B3GLCT: variants seen among roughly 807,000 people sequenced by gnomAD.
B3GLCT encodes beta 3-glucosyltransferase.
In B3GLCT, 65 loss-of-function variants were observed where a neutral mutation model predicts 63.4. That is an observed-to-expected ratio of 1.03 (90% confidence interval 0.84 to 1.26). The LOEUF is 1.26. Ranked by LOEUF, B3GLCT falls within the 50% of genes most tolerant of loss-of-function variation. The pLI is 0.00. For synonymous variants in B3GLCT, 233 were observed against 219.2 expected (o/e 1.06, Z -0.55); for missense variants, 577 against 604.8 (o/e 0.95, Z 0.48).
At chr13:31,218,768 G>T (rs1057326384) in intron 2 of B3GLCT, among the ~76,000 whole-genome samples, 7 of 152,114 alleles carry the variant, frequency 4.6e-5, no homozygotes, top group Admixed American at 4.6e-4. Context: ...TCCTTGTCTT[G>T]TTCCTGTTTT....
intron 14 of B3GLCT, among the ~76,000 whole-genome samples, chr13:31,325,082 A>AT (rs1875539813): frequency 6.6e-6 from 1 of 152,232 alleles, no homozygotes; most frequent in South Asian, 2.1e-4. Context: ...CAGAAATAGT[A>AT]TACTATAGAA....
At chr13:31,204,309 G>C (rs1868829671) in intron 1 of B3GLCT, among the ~76,000 whole-genome samples, 1 of 152,168 alleles carries the variant, frequency 6.6e-6, no homozygotes, top group Non-Finnish European at 1.5e-5. Context: ...CTAGAGTCAG[G>C]GGTGCTGCTG....
intron 4 of B3GLCT, among the ~76,000 whole-genome samples, chr13:31,245,486 G>GTC (rs1370496831): frequency 6.6e-6 from 1 of 151,884 alleles, no homozygotes; most frequent in African/African-American, 2.4e-5. Flanking sequence ...GGTTCTTCTA[G>GTC]TCTCTGTTCA....
intron 4 of B3GLCT, among the ~76,000 whole-genome samples, chr13:31,232,542 C>T (rs934163874): frequency 3.9e-5 from 6 of 152,306 alleles, no homozygotes; most frequent in African/African-American, 1.2e-4. Flanking sequence ...ATGATCCAGT[C>T]ACCTCCCTCC....
At chr13:31,249,912 A>G (rs1471686815) in intron 6 of B3GLCT, among the ~76,000 whole-genome samples, 1 of 152,204 alleles carries the variant, frequency 6.6e-6, no homozygotes, top group East Asian at 1.9e-4. Context: ...TAAAATAATT[A>G]TGTAATGTGT....
At chr13:31,208,838 C>T (rs2137734637) in intron 1 of B3GLCT, among the ~76,000 whole-genome samples, 1 of 152,158 alleles carries the variant, frequency 6.6e-6, no homozygotes, top group South Asian at 2.1e-4. Context: ...CCTGACTCCC[C>T]AATACCACCC....
chr13:31,308,973 C>A (rs1239579704), intron 12 of B3GLCT, among the ~76,000 whole-genome samples: 3 of 152,166 alleles, frequency 2.0e-5, no homozygotes, highest in African/African-American at 7.2e-5. Flanking sequence ...TAACAATAAT[C>A]AAGGGATTGA....
chr13:31,314,285 A>G (rs1874877954), intron 12 of B3GLCT, among the ~76,000 whole-genome samples: 1 of 152,130 alleles, frequency 6.6e-6, no homozygotes, highest in African/African-American at 2.4e-5. Flanking sequence ...AGATCTACTG[A>G]CAGCTTGCAC....
intron 1 of B3GLCT, among the ~76,000 whole-genome samples, chr13:31,204,906 T>A (rs1868868565): frequency 6.6e-6 from 1 of 152,232 alleles, no homozygotes; most frequent in Admixed American, 6.5e-5. Context: ...GTTTACTAAC[T>A]TGGGCACTGA....
chr13:31,324,280 A>G (rs916684609), intron 14 of B3GLCT, among the ~76,000 whole-genome samples: 6 of 152,266 alleles, frequency 3.9e-5, no homozygotes, highest in Admixed American at 3.9e-4. Context: ...AGTCTATGTA[A>G]TTCTACACCA....
chr13:31,222,924 A>T, intron 2 of B3GLCT, 28 bp from the exon 3 acceptor site: 1 of 1,443,908 alleles, frequency 6.9e-7, no homozygotes, highest in Non-Finnish European at 9.7e-7. Context: ...ACTGAGATTC[A>T]TCTTTTTCTC....
At chr13:31,273,097 T>C (rs957901263) in intron 8 of B3GLCT, among the ~76,000 whole-genome samples, 5 of 151,990 alleles carry the variant, frequency 3.3e-5, no homozygotes, top group Admixed American at 3.3e-4. Flanking sequence ...TTTCTTTCTT[T>C]GTTTTTCTTT....
Position 31,253,618 on chromosome 13 carries a change from A to AAAAAAAAAAAAAAAAAAAAAAACAAAC in B3GLCT, c.459+5655_459+5656insAAAAAAAAAAAAAAAAAAACAAACAAA. On this transcript the variant is annotated intron_variant, in intron 6 of 14. Transcript: ENST00000343307. ...CTCAAAAAAAAAAAAAAAAAAAAAA[A>AAAAAAAAAAAAAAAAAAAAAAACAAAC]AAACTAGAGAAGCAAGAGCAAGCAA... Among the ~76,000 whole-genome samples the AAAAAAAAAAAAAAAAAAAAAAACAAAC allele has an allele frequency of 2.4e-5, 2 of 82,266 alleles. 1 individual carries two copies. The allele number at this position is 82,266 out of a possible 152,430, so 54.0% of individuals were successfully genotyped here.
At chr13:31,255,838 A>G (rs1259674968) in intron 6 of B3GLCT, among the ~76,000 whole-genome samples, 2 of 152,314 alleles carry the variant, frequency 1.3e-5, no homozygotes, top group Admixed American at 6.5e-5. Flanking sequence ...AACCATAAAA[A>G]CCTCAGAAGA....
intron 1 of B3GLCT, among the ~76,000 whole-genome samples, chr13:31,205,628 A>G (rs1015823153): frequency 1.3e-5 from 2 of 152,040 alleles, no homozygotes; most frequent in Admixed American, 6.6e-5. Context: ...GCCTCAAGTC[A>G]TCTGTCTGCC....
intron 12 of B3GLCT, among the ~76,000 whole-genome samples, chr13:31,298,626 T>C (rs1485849590): frequency 6.6e-6 from 1 of 152,126 alleles, no homozygotes; most frequent in Non-Finnish European, 1.5e-5. Flanking sequence ...TATTTCTCTT[T>C]CTCTCCGTTA....
In B3GLCT at chr13:31,200,006, G is replaced by T. The variant is rs924896071; in HGVS notation, c.-79G>T. On this transcript the variant is annotated 5_prime_UTR_variant, in exon 1 of 15. Transcript: ENST00000343307. ...GGGTCAGCCGCGGCGGCAGGGCGGCGGCGGCAGCGGCGCAGCTCCGCTCCC... is the reference window on the plus strand; with the variant it reads ...GGGTCAGCCGCGGCGGCAGGGCGGCTGCGGCAGCGGCGCAGCTCCGCTCCC... The T allele has an allele frequency of 2.6e-4, 225 of 865,554 alleles. 1 individual carries two copies. The highest frequency in any genetic ancestry group is 3.1e-4 in the Non-Finnish European group (208 of 673,206). 53.6% of individuals were successfully genotyped at this position (865,554 alleles called of 1,614,324 possible).
intron 1 of B3GLCT, among the ~76,000 whole-genome samples, chr13:31,203,371 A>T (rs1868780019): frequency 6.6e-6 from 1 of 152,076 alleles, no homozygotes; most frequent in Non-Finnish European, 1.5e-5. Context: ...CAGGTCATGG[A>T]CTTGACCCAG....
intron 12 of B3GLCT, among the ~76,000 whole-genome samples, chr13:31,297,829 C>T (rs1874034193): frequency 1.3e-5 from 2 of 152,124 alleles, no homozygotes; most frequent in African/African-American, 4.8e-5. Flanking sequence ...CAGGGAAATA[C>T]TTTCTCACAT....
Sources: allele counts gnomAD v4.1 joint callset (sites outside exome capture counted in the v4.1 genomes callset), GRCh38; gene constraint gnomAD v4.1.1; transcripts MANE v1.5; gene names NCBI Gene and HGNC (gene_info 2026-07-23, HGNC 2026-07-21).